HMBOX1: variants seen among roughly 807,000 people sequenced by gnomAD.
The protein encoded by HMBOX1 is homeobox containing 1.
In HMBOX1, 14 loss-of-function variants were observed where a neutral mutation model predicts 54.5. The ratio of observed to expected loss-of-function variants is 0.26; its 90% CI spans 0.17 to 0.40. The LOEUF is 0.40. HMBOX1 is among the 10% of genes least tolerant of loss of function. The pLI is 1.00. For missense variants in HMBOX1, 332 were observed against 514.4 expected, an observed-to-expected ratio of 0.65 and a Z score of 3.43; for synonymous variants, 160 against 181.0, an observed-to-expected ratio of 0.88 and a Z score of 0.93.
At chr8:28,960,779 T>G (rs1411768034) in intron 1 of HMBOX1, among the ~76,000 whole-genome samples, 2,359 of 60,656 alleles carry the variant, frequency 0.039, 26 homozygotes, top group Non-Finnish European at 0.049. Flanking sequence ...TTTTTTTTTT[T>G]TTTTTTTTTT....
At chr8:29,027,058 A>G (rs1207186305) in intron 6 of HMBOX1, among the ~76,000 whole-genome samples, 4 of 152,216 alleles carry the variant, frequency 2.6e-5, no homozygotes, top group African/African-American at 9.6e-5. Flanking sequence ...ATTTTAATGG[A>G]TAAAATATAT....
chr8:28,919,651 G>T (rs1235788225), intron 1 of HMBOX1, among the ~76,000 whole-genome samples: 1 of 152,180 alleles, frequency 6.6e-6, no homozygotes, highest in Non-Finnish European at 1.5e-5. Context: ...ATAGGCAAAA[G>T]ATGTAAGATG....
At chr8:28,918,188 A>T (rs1303620118) in intron 1 of HMBOX1, among the ~76,000 whole-genome samples, 1 of 152,022 alleles carries the variant, frequency 6.6e-6, no homozygotes, top group East Asian at 1.9e-4. Flanking sequence ...CTATTCAACT[A>T]TTCATGTTAT....
At chr8:28,958,114 T>A (rs557745898) in intron 1 of HMBOX1, among the ~76,000 whole-genome samples, 7 of 152,308 alleles carry the variant, frequency 4.6e-5, no homozygotes, top group African/African-American at 9.6e-5. Context: ...TAATAATTTC[T>A]TTTATTTCAG....
intron 1 of HMBOX1, among the ~76,000 whole-genome samples, chr8:28,940,066 T>C (rs2132007546): frequency 6.6e-6 from 1 of 152,202 alleles, no homozygotes; most frequent in East Asian, 1.9e-4. Context: ...CAGAGTGCAA[T>C]GGTGCTATCT....
chr8:29,018,940 A>G, intron 6 of HMBOX1, 27 bp downstream of exon 6: 2 of 1,611,288 alleles, frequency 1.2e-6, no homozygotes, highest in Non-Finnish European at 8.5e-7. Flanking sequence ...TCTACGAATG[A>G]TCTCCCAAAC....
At chr8:28,988,985 A>C (rs1365687435) in intron 4 of HMBOX1, among the ~76,000 whole-genome samples, 2 of 152,062 alleles carry the variant, frequency 1.3e-5, no homozygotes, top group African/African-American at 4.8e-5. Context: ...AAATTTGCTT[A>C]AACAGGACCA....
chr8:28,924,247 C>T (rs931559086), intron 1 of HMBOX1, among the ~76,000 whole-genome samples: 1 of 151,594 alleles, frequency 6.6e-6, no homozygotes, highest in Non-Finnish European at 1.5e-5. Flanking sequence ...GCTGGGACTA[C>T]AGGTGCCCGC....
intron 5 of HMBOX1, among the ~76,000 whole-genome samples, chr8:29,014,194 T>G (rs987913783): frequency 2.0e-5 from 3 of 149,490 alleles, no homozygotes; most frequent in African/African-American, 4.9e-5. Flanking sequence ...GAGTTTTGGG[T>G]TTTTTTTTTC....
At chr8:28,942,242 TC>T (rs1821574619) in intron 1 of HMBOX1, among the ~76,000 whole-genome samples, 1 of 152,182 alleles carries the variant, frequency 6.6e-6, no homozygotes, top group African/African-American at 2.4e-5. Context: ...GCTCACCCCT[TC>T]ACCCGCTCTA....
chr8:28,978,708 G>A (rs1005428671), intron 3 of HMBOX1, among the ~76,000 whole-genome samples: 2 of 144,694 alleles, frequency 1.4e-5, no homozygotes, highest in East Asian at 2.1e-4. Flanking sequence ...AATTGCTTGC[G>A]CCCGGTAGGT....
chr8:28,897,498 A>G (rs1585623214), intron 1 of HMBOX1, among the ~76,000 whole-genome samples: 1 of 152,108 alleles, frequency 6.6e-6, no homozygotes. Context: ...AACATGGTGA[A>G]ACTTTGCCTC....
intron 6 of HMBOX1, among the ~76,000 whole-genome samples, chr8:29,025,598 G>C (rs1478357417): frequency 6.6e-6 from 1 of 152,146 alleles, no homozygotes. Context: ...CTAGTTTAAT[G>C]CTTTGACTGT....
At chr8:28,962,318 C>G (rs190584960) in intron 1 of HMBOX1, among the ~76,000 whole-genome samples, 35 of 152,202 alleles carry the variant, frequency 2.3e-4, no homozygotes, top group African/African-American at 7.5e-4. Flanking sequence ...CTTATGGTTA[C>G]ATAAATTTGT....
chr8:29,022,875 G>A (rs146785808), intron 6 of HMBOX1, among the ~76,000 whole-genome samples: 2 of 149,618 alleles, frequency 1.3e-5, no homozygotes, highest in African/African-American at 2.5e-5. Flanking sequence ...GGGAAAAAAT[G>A]GGGGGGAGGG....
At chr8:28,893,051 C>T (rs1474011498) in intron 1 of HMBOX1, among the ~76,000 whole-genome samples, 2 of 152,144 alleles carry the variant, frequency 1.3e-5, no homozygotes, top group African/African-American at 4.8e-5. Flanking sequence ...AGTGTTTTCT[C>T]TTCCATCTAC....
intron 2 of HMBOX1, among the ~76,000 whole-genome samples, chr8:28,964,514 C>G (rs142078576): frequency 1.0e-3 from 152 of 152,250 alleles, no homozygotes; most frequent in African/African-American, 3.2e-3. Context: ...CCGGGAATTT[C>G]AGATATTAGA....
chr8:28,914,101 C>G (rs1816046275), intron 1 of HMBOX1, among the ~76,000 whole-genome samples: 1 of 152,076 alleles, frequency 6.6e-6, no homozygotes, highest in Non-Finnish European at 1.5e-5. Flanking sequence ...CTCCTGACCT[C>G]AAGTGATCTG....
At position 28,940,956 on chromosome 8, in the gene HMBOX1, A is replaced by G. The variant is rs186123030; in HGVS notation, c.-57-22855A>G. Reference sequence around the variant, plus strand: ...GTTATTGTTATTTATTCTATAACCTATAGGAGTTGTATTTCAAGATGGAGT... The same window carrying G: ...GTTATTGTTATTTATTCTATAACCTGTAGGAGTTGTATTTCAAGATGGAGT... On this transcript the variant is annotated intron_variant, in intron 1 of 9. Coordinates refer to ENST00000287701, the MANE Select transcript of HMBOX1 (RefSeq NM_001135726.3). 1.1e-3 allele frequency among the ~76,000 whole-genome samples: 167 copies of G among 152,328 alleles called. 2 individuals are homozygous for G. Among genetic ancestry groups the G allele is most frequent in the African/African-American group, 3.8e-3 (160 of 41,582 alleles).
Sources: gnomAD v4.1 joint callset for allele counts (sites outside exome capture counted in the v4.1 genomes callset) on GRCh38, gnomAD v4.1.1 for gene constraint, MANE v1.5 for transcripts, NCBI Gene and HGNC (gene_info 2026-07-23, HGNC 2026-07-21) for gene names.